The following IQCJ variants were observed in gnomAD, a reference collection of about 807,000 sequenced individuals.
The protein encoded by IQCJ is IQ domain-containing protein J.
Under a neutral mutation model 11.0 loss-of-function variants are expected in IQCJ, and 9 were observed. The observed-to-expected ratio is 0.82, with a 90% CI of 0.49 to 1.43. IQCJ has a LOEUF of 1.43. Ranked by LOEUF, IQCJ falls within the 40% of genes most tolerant of loss-of-function variation. The pLI is 0.00. For missense variants in IQCJ, 146 were observed against 133.2 expected (o/e 1.10, Z -0.47); for synonymous variants, 55 against 51.3 (o/e 1.07, Z -0.31).
At chr3:159,216,254 A>T (rs780865213) in intron 1 of IQCJ, among the ~76,000 whole-genome samples, 30 of 152,052 alleles carry the variant, frequency 2.0e-4, no homozygotes, top group Non-Finnish European at 3.4e-4. Flanking sequence ...CAAATGAGAG[A>T]TCCTTCTTTT....
chr3:159,262,776 A>T lies in IQCJ; in HGVS notation c.*45A>T. ...AAGAGAGAAATCTTGGGATGTGAGC[A>T]GGTGGTTTGTGACAGTGAAGATCTA... On this transcript the variant is annotated 3_prime_UTR_variant, in exon 4 of 4. Coordinates refer to ENST00000397832, the MANE Select transcript of IQCJ (RefSeq NM_001042706.3). 3.1e-6 allele frequency: 5 copies of T among 1,587,646 alleles called. No individual in the cohort carries two copies. Among genetic ancestry groups the T allele is most frequent in the Non-Finnish European group, 4.3e-6 (5 of 1,163,688 alleles).
chr3:159,254,957 G>C (rs1046059476), intron 3 of IQCJ, among the ~76,000 whole-genome samples: 1 of 152,178 alleles, frequency 6.6e-6, no homozygotes, highest in Non-Finnish European at 1.5e-5. Context: ...CTTGCTCTGC[G>C]GGGGCTTTGC....
At chr3:159,217,766 G>T (rs963874242) in intron 1 of IQCJ, among the ~76,000 whole-genome samples, 47 of 151,950 alleles carry the variant, frequency 3.1e-4, no homozygotes, top group Admixed American at 2.0e-3. Context: ...TTCATTTCCT[G>T]GGTCTTCCCT....
chr3:159,121,073 T>A (rs1003476483), intron 1 of IQCJ, among the ~76,000 whole-genome samples: 21 of 152,082 alleles, frequency 1.4e-4, no homozygotes, highest in Admixed American at 5.2e-4. Flanking sequence ...GCCATAACTA[T>A]CCCAAGACAA....
intron 1 of IQCJ, among the ~76,000 whole-genome samples, chr3:159,196,573 C>T (rs1723995099): frequency 6.6e-6 from 1 of 152,224 alleles, no homozygotes; most frequent in African/African-American, 2.4e-5. Flanking sequence ...TGGGCCCCAT[C>T]TGCCACTCTG....
chr3:159,165,344 A>G (rs1722103372), intron 1 of IQCJ, among the ~76,000 whole-genome samples: 1 of 152,214 alleles, frequency 6.6e-6, no homozygotes, highest in Non-Finnish European at 1.5e-5. Context: ...TCATGTTAAC[A>G]GGGTCTTCTG....
intron 1 of IQCJ, among the ~76,000 whole-genome samples, chr3:159,091,647 TACACAC>T (rs111512204): frequency 0.02 from 2,636 of 133,930 alleles, 141 homozygotes; most frequent in African/African-American, 0.069. Context: ...AAGGGGTATT[TACACAC>T]ACACACACAC....
intron 1 of IQCJ, among the ~76,000 whole-genome samples, chr3:159,175,936 G>T (rs1200259087): frequency 6.6e-6 from 1 of 152,164 alleles, no homozygotes; most frequent in Admixed American, 6.5e-5. Flanking sequence ...ATCAATGTAT[G>T]GGAGTTCCAG....
At chr3:159,075,966 C>T (rs1386292749) in intron 1 of IQCJ, among the ~76,000 whole-genome samples, 2 of 152,064 alleles carry the variant, frequency 1.3e-5, no homozygotes, top group Admixed American at 1.3e-4. Context: ...TTTGCCCACC[C>T]AGAAGGCTCT....
intron 1 of IQCJ, among the ~76,000 whole-genome samples, chr3:159,168,093 G>C (rs993091353): frequency 6.6e-6 from 1 of 152,138 alleles, no homozygotes; most frequent in Non-Finnish European, 1.5e-5. Context: ...TGTGTGGTGA[G>C]AGGGCACTGA....
chr3:159,159,422 G>A (rs760833114), intron 1 of IQCJ, among the ~76,000 whole-genome samples: 1 of 152,134 alleles, frequency 6.6e-6, no homozygotes, highest in African/African-American at 2.4e-5. Flanking sequence ...GTCTCTCCAT[G>A]ATCAAGGCTT....
At chr3:159,079,104 G>A (rs1428991688) in intron 1 of IQCJ, among the ~76,000 whole-genome samples, 2 of 152,080 alleles carry the variant, frequency 1.3e-5, no homozygotes, top group African/African-American at 2.4e-5. Flanking sequence ...AGCTTCTTCT[G>A]TTTTGAAGGA....
At chr3:159,130,075 T>C (rs918204444) in intron 1 of IQCJ, among the ~76,000 whole-genome samples, 11 of 152,120 alleles carry the variant, frequency 7.2e-5, no homozygotes, top group Admixed American at 7.2e-4. Context: ...TAGCAAACCA[T>C]CTCCCTCCCC....
intron 1 of IQCJ, among the ~76,000 whole-genome samples, chr3:159,148,428 A>T (rs1291655421): frequency 6.6e-6 from 1 of 152,236 alleles, no homozygotes. Context: ...TATCCCTGAC[A>T]GGATTTCCTG....
chr3:159,167,756 G>A (rs112331732), intron 1 of IQCJ, among the ~76,000 whole-genome samples: 22 of 152,092 alleles, frequency 1.4e-4, no homozygotes, highest in African/African-American at 3.9e-4. Context: ...TGTATTTTAC[G>A]TCCCAGGTAG....
chr3:159,179,375 G>T (rs1404206233), intron 1 of IQCJ, among the ~76,000 whole-genome samples: 1 of 152,080 alleles, frequency 6.6e-6, no homozygotes, highest in Non-Finnish European at 1.5e-5. Context: ...AGTGACCCTG[G>T]AAGCTTTATA....
chr3:159,181,206 G>T (rs1156426313), intron 1 of IQCJ, among the ~76,000 whole-genome samples: 2 of 151,624 alleles, frequency 1.3e-5, no homozygotes, highest in Non-Finnish European at 2.9e-5. Context: ...TCCTTCTTGA[G>T]ATTTCCTGCC....
chr3:159,232,041 C>T (rs1009613701), intron 1 of IQCJ, among the ~76,000 whole-genome samples: 1 of 152,064 alleles, frequency 6.6e-6, no homozygotes, highest in Non-Finnish European at 1.5e-5. Context: ...ATTAGTCTGG[C>T]TAGTGGTCTA....
chr3:159,235,247 C>A (rs1246722119), intron 1 of IQCJ, among the ~76,000 whole-genome samples: 1 of 152,102 alleles, frequency 6.6e-6, no homozygotes, highest in African/African-American at 2.4e-5. Flanking sequence ...TTATAGTTGT[C>A]CTGCTGTTAA....
Sources: gnomAD v4.1 joint callset for allele counts (sites outside exome capture counted in the v4.1 genomes callset) on GRCh38, gnomAD v4.1.1 for gene constraint, MANE v1.5 for transcripts, NCBI Gene and HGNC (gene_info 2026-07-23, HGNC 2026-07-21) for gene names.